The following SLC9A9 variants were observed in gnomAD, a reference collection of about 807,000 sequenced individuals.
SLC9A9 encodes solute carrier family 9 member A9, also known as sodium/hydrogen exchanger 9.
In SLC9A9, 62 loss-of-function variants were observed where a neutral mutation model predicts 77.8. The ratio of observed to expected loss-of-function variants is 0.80; its 90% CI spans 0.65 to 0.98. The LOEUF (loss-of-function observed/expected upper bound fraction) is 0.98. SLC9A9 is among the 50% of genes least tolerant of loss of function. The probability of loss-of-function intolerance (pLI) is 0.00; values close to 1 mark genes in which losing one functional copy is unlikely to be tolerated. For synonymous variants in SLC9A9, 320 were observed against 283.5 expected, an observed-to-expected ratio of 1.13 and a Z score of -1.29; for missense variants, 775 against 774.9, an observed-to-expected ratio of 1.00 and a Z score of 0.00.
intron 13 of SLC9A9, among the ~76,000 whole-genome samples, chr3:143,370,095 T>C (rs2033012773): frequency 2.0e-5 from 3 of 152,202 alleles, no homozygotes; most frequent in South Asian, 2.1e-4. Context: ...TCCTGATCCA[T>C]AGAAACTTTG....
At chr3:143,774,474 A>G (rs1427594787) in intron 4 of SLC9A9, among the ~76,000 whole-genome samples, 1 of 152,142 alleles carries the variant, frequency 6.6e-6, no homozygotes, top group Non-Finnish European at 1.5e-5. Flanking sequence ...TTGGGATGGC[A>G]CTTACTCCTT....
At chr3:143,474,813 GGTTT>G (rs36024068) in intron 11 of SLC9A9, among the ~76,000 whole-genome samples, 34,120 of 151,886 alleles carry the variant, frequency 0.22, 4,953 homozygotes, top group Non-Finnish European at 0.33. Flanking sequence ...TTTTGAACCA[GGTTT>G]GTTCTTGCCT....
intron 6 of SLC9A9, among the ~76,000 whole-genome samples, chr3:143,631,433 C>T (rs2108727370): frequency 6.6e-6 from 1 of 152,218 alleles, no homozygotes; most frequent in East Asian, 1.9e-4. Context: ...ATTTAAACAG[C>T]TTTCATATCA....
At chr3:143,389,819 A>G (rs1169203737) in intron 12 of SLC9A9, among the ~76,000 whole-genome samples, 1 of 152,244 alleles carries the variant, frequency 6.6e-6, no homozygotes, top group Non-Finnish European at 1.5e-5. Context: ...AGGGTGTGGC[A>G]TGTCAAGTAT....
intron 6 of SLC9A9, among the ~76,000 whole-genome samples, chr3:143,616,134 C>T (rs1469581723): frequency 2.6e-5 from 4 of 152,106 alleles, no homozygotes; most frequent in African/African-American, 9.7e-5. Context: ...CCGCCCGCCT[C>T]GGCCTCCCAA....
At position 143,662,869 on chromosome 3, in the gene SLC9A9, G is replaced by A. The variant is rs183386310; in HGVS notation, c.650-10509C>T. On this transcript the variant is annotated intron_variant, in intron 5 of 15. Transcript: ENST00000316549. ...CATGCCTCTGTAGACTCCACCTCTG[G>A]GGGCAGGGCATAGCTGAACAAAAGT... 5.9e-5 allele frequency among the ~76,000 whole-genome samples: 9 copies of A among 152,264 alleles called. No homozygotes were observed. The East Asian group carries it at 1.7e-3, about 29-fold the overall frequency.
chr3:143,773,407 A>G (rs1576716410), intron 4 of SLC9A9, among the ~76,000 whole-genome samples: 1 of 152,068 alleles, frequency 6.6e-6, no homozygotes, highest in Admixed American at 6.6e-5. Context: ...TTGGGAAGCT[A>G]TGAGTTTTTA....
intron 7 of SLC9A9, among the ~76,000 whole-genome samples, chr3:143,575,272 A>G (rs1471097000): frequency 6.6e-6 from 1 of 152,320 alleles, no homozygotes; most frequent in African/African-American, 2.4e-5. Flanking sequence ...GCAGAATAAT[A>G]TCATGGTGGG....
chr3:143,347,135 T>C (rs2032305574), intron 14 of SLC9A9: 1 of 152,150 alleles, frequency 6.6e-6, no homozygotes, highest in Non-Finnish European at 1.5e-5. Context: ...AACTCCAAAA[T>C]ATACCAATCT....
intron 5 of SLC9A9, among the ~76,000 whole-genome samples, chr3:143,684,343 C>G (rs575157619): frequency 9.9e-5 from 15 of 151,876 alleles, no homozygotes; most frequent in Non-Finnish European, 1.9e-4. Context: ...GAGAACTGAA[C>G]TAATAATTTA....
chr3:143,816,024 A>G (rs2009006988), intron 2 of SLC9A9, among the ~76,000 whole-genome samples: 1 of 152,152 alleles, frequency 6.6e-6, no homozygotes, highest in African/African-American at 2.4e-5. Flanking sequence ...TATTTTATGT[A>G]TGTGCTTGAC....
At chr3:143,717,013 G>C (rs183175672) in intron 4 of SLC9A9, among the ~76,000 whole-genome samples, 12 of 152,302 alleles carry the variant, frequency 7.9e-5, no homozygotes, top group Admixed American at 5.9e-4. Context: ...GCCTTCAGCT[G>C]CTTCACAATC....
intron 6 of SLC9A9, among the ~76,000 whole-genome samples, chr3:143,583,280 T>G (rs1460422459): frequency 6.6e-6 from 1 of 152,244 alleles, no homozygotes; most frequent in Non-Finnish European, 1.5e-5. Flanking sequence ...TGACAGTGTA[T>G]TGGACCTATA....
chr3:143,670,445 T>C (rs1372429184), intron 5 of SLC9A9, among the ~76,000 whole-genome samples: 3 of 152,170 alleles, frequency 2.0e-5, no homozygotes, highest in African/African-American at 7.2e-5. Context: ...CTGTCATAAT[T>C]TCAAATGCAT....
chr3:143,274,742 G>A (rs1937996320), intron 14 of SLC9A9, among the ~76,000 whole-genome samples: 1 of 152,126 alleles, frequency 6.6e-6, no homozygotes. Context: ...TGATTCATTT[G>A]CTTTCTCCTA....
intron 1 of SLC9A9, among the ~76,000 whole-genome samples, chr3:143,840,547 G>A (rs963775857): frequency 9.2e-5 from 14 of 152,148 alleles, no homozygotes; most frequent in Admixed American, 5.2e-4. Flanking sequence ...CTCAAGCTGG[G>A]ACAATGTTTC....
intron 4 of SLC9A9, among the ~76,000 whole-genome samples, chr3:143,712,471 C>T (rs1260146789): frequency 3.3e-5 from 5 of 152,288 alleles, no homozygotes; most frequent in South Asian, 2.1e-4. Context: ...AAAAAGATAA[C>T]GAGCAATCTA....
chr3:143,593,644 C>A (rs2037698489), intron 6 of SLC9A9, among the ~76,000 whole-genome samples: 1 of 152,114 alleles, frequency 6.6e-6, no homozygotes, highest in South Asian at 2.1e-4. Flanking sequence ...TTCAGATCTA[C>A]TGTGCATGTG....
chr3:143,780,451 T>TG (rs2007835073), intron 4 of SLC9A9, among the ~76,000 whole-genome samples: 1 of 152,232 alleles, frequency 6.6e-6, no homozygotes, highest in South Asian at 2.1e-4. Flanking sequence ...TGGGGATTGA[T>TG]GATACAAAAG....
Sources: allele counts gnomAD v4.1 joint callset (sites outside exome capture counted in the v4.1 genomes callset), GRCh38; gene constraint gnomAD v4.1.1; transcripts MANE v1.5; gene names NCBI Gene and HGNC (gene_info 2026-07-23, HGNC 2026-07-21).